Variants in PPP1R21 observed in about 807,000 individuals in gnomAD.
The protein encoded by PPP1R21 is protein phosphatase 1 regulatory subunit 21, also known as KLRAQ motif containing 1.
PPP1R21 carries 85 observed loss-of-function variants against 112.8 expected under a neutral mutation model. That is an observed-to-expected ratio of 0.75 (90% CI 0.63 to 0.90). The LOEUF is 0.90. Among genes scored for constraint, PPP1R21 ranks in the 40% least tolerant of loss-of-function variants. The pLI is 0.00. For synonymous variants in PPP1R21, 381 were observed against 322.3 expected (o/e 1.18, Z -1.95); for missense variants, 1,199 against 901.5 (o/e 1.33, Z -4.23).
intron 17 of PPP1R21, among the ~76,000 whole-genome samples, chr2:48,501,349 G>C (rs549252123): frequency 6.6e-6 from 1 of 152,104 alleles, no homozygotes; most frequent in Admixed American, 6.6e-5. Context: ...TCTTAGAGTT[G>C]GTGGTGGCCA....
At chr2:48,461,376 C>T in intron 7 of PPP1R21, 144 bp downstream of exon 7, 1 of 1,241,902 alleles carries the variant, frequency 8.1e-7, no homozygotes, top group Non-Finnish European at 1.0e-6. Flanking sequence ...ATTTGATCAG[C>T]CGTGGTAATC....
intron 17 of PPP1R21, among the ~76,000 whole-genome samples, chr2:48,500,038 C>G (rs1363703745): frequency 6.6e-6 from 1 of 152,042 alleles, no homozygotes; most frequent in Non-Finnish European, 1.5e-5. Context: ...TGACTTTACT[C>G]CTGAAGCTCA....
chr2:48,487,802 C>A (rs187476940), intron 14 of PPP1R21, among the ~76,000 whole-genome samples: 3 of 151,778 alleles, frequency 2.0e-5, no homozygotes, highest in Non-Finnish European at 4.4e-5. Flanking sequence ...ATGGATATTC[C>A]TGTTTCAGCA....
At chr2:48,480,785 C>T (rs1388217769) in intron 13 of PPP1R21, among the ~76,000 whole-genome samples, 1 of 152,094 alleles carries the variant, frequency 6.6e-6, no homozygotes, top group African/African-American at 2.4e-5. Context: ...TTTTAGTTAA[C>T]AATTAGTGAC....
intron 18 of PPP1R21, 31 bp from the exon 19 acceptor site, chr2:48,507,238 G>GT: frequency 7.5e-7 from 1 of 1,329,234 alleles, no homozygotes; most frequent in Non-Finnish European, 9.8e-7. Flanking sequence ...ACTGGTACTT[G>GT]TTTATTTATG....
chr2:48,511,534 A>G, intron 21 of PPP1R21, 66 bp downstream of exon 21: 2 of 1,571,998 alleles, frequency 1.3e-6, no homozygotes, highest in Non-Finnish European at 1.7e-6. Flanking sequence ...TTTTATTGTT[A>G]TGCATTTCAG....
chr2:48,502,610 C>G (rs1371924192), intron 17 of PPP1R21, among the ~76,000 whole-genome samples: 1 of 151,490 alleles, frequency 6.6e-6, no homozygotes, highest in Non-Finnish European at 1.5e-5. Flanking sequence ...GAAGCTCATC[C>G]TACAGGGAGA....
intron 14 of PPP1R21, among the ~76,000 whole-genome samples, chr2:48,486,969 C>T (rs1669330213): frequency 6.6e-6 from 1 of 152,222 alleles, no homozygotes; most frequent in Non-Finnish European, 1.5e-5. Context: ...CCAGGCTTGA[C>T]TCAAACTCCT....
At chr2:48,443,462 C>T (rs1377748253) in intron 1 of PPP1R21, among the ~76,000 whole-genome samples, 1 of 152,190 alleles carries the variant, frequency 6.6e-6, no homozygotes, top group Non-Finnish European at 1.5e-5. Context: ...CAAAGGCTAG[C>T]ACTTTTGGAG....
intron 13 of PPP1R21, among the ~76,000 whole-genome samples, chr2:48,485,133 T>G (rs1046442329): frequency 2.6e-5 from 4 of 152,030 alleles, no homozygotes; most frequent in Non-Finnish European, 4.4e-5. Context: ...ATTTTTAGAG[T>G]TCTGAAAATA....
chr2:48,497,000 T>A (rs915500765), intron 16 of PPP1R21, among the ~76,000 whole-genome samples: 1 of 152,220 alleles, frequency 6.6e-6, no homozygotes, highest in Non-Finnish European at 1.5e-5. Flanking sequence ...CCAGTAAACA[T>A]GTTTCCCTGA....
intron 12 of PPP1R21, among the ~76,000 whole-genome samples, chr2:48,476,344 G>C (rs1489358752): frequency 6.6e-6 from 1 of 152,030 alleles, no homozygotes; most frequent in African/African-American, 2.4e-5. Context: ...TTACTTACCC[G>C]TTTGTCATGT....
intron 16 of PPP1R21, among the ~76,000 whole-genome samples, chr2:48,496,570 C>T (rs1036867546): frequency 5.0e-4 from 76 of 151,522 alleles, no homozygotes; most frequent in African/African-American, 1.7e-3. Context: ...TGGGTTCAAG[C>T]GATTGTCCTG....
intron 17 of PPP1R21, among the ~76,000 whole-genome samples, chr2:48,504,469 G>A (rs953414225): frequency 6.6e-6 from 1 of 152,102 alleles, no homozygotes. Context: ...GGTGAAACCT[G>A]CCTCTACTAA....
intron 2 of PPP1R21, among the ~76,000 whole-genome samples, chr2:48,452,034 C>G (rs1476273760): frequency 1.3e-5 from 2 of 152,228 alleles, no homozygotes; most frequent in African/African-American, 2.4e-5. Flanking sequence ...TCCAGGCTCT[C>G]TGCACCCAAG....
intron 16 of PPP1R21, among the ~76,000 whole-genome samples, chr2:48,497,545 C>T (rs941408031): frequency 4.6e-5 from 7 of 151,996 alleles, no homozygotes; most frequent in African/African-American, 1.5e-4. Context: ...TTGTGTTCAG[C>T]ACAGTATATG....
In PPP1R21 at chr2:48,491,164, G is replaced by C. The variant is rs775408217; in HGVS notation, c.1593G>C (p.Leu531Phe). 4 of 1,610,464 alleles carry C rather than the reference G, an allele frequency of 2.5e-6. No homozygotes were observed. Among genetic ancestry groups the C allele is most frequent in the African/African-American group, 2.7e-5 (2 of 74,812 alleles). ...AAGCTGCTGCCTATATGAAGTCTTTGAGAAAGGTTTGTTAGCTGCTGTTAA... is the reference window on the plus strand; with the variant it reads ...AAGCTGCTGCCTATATGAAGTCTTTCAGAAAGGTTTGTTAGCTGCTGTTAA... ...KKKAAAYMKSLRKPLLESVPY... is the reference protein window; with the variant it reads ...KKKAAAYMKSFRKPLLESVPY... Residue 531 changes from leucine (L) to phenylalanine (F), a missense_variant, in exon 15 of 22, where the codon TTG becomes TTC. Physicochemically the swap from Leu to Phe is conservative, Grantham distance 22 (BLOSUM62 0). Coordinates refer to ENST00000294952, the MANE Select transcript of PPP1R21 (RefSeq NM_001135629.3).
chr2:48,505,612 C>A lies in PPP1R21; in HGVS notation c.1968+16C>A, dbSNP rs1478095776. 6.5e-7 allele frequency: 1 copy of A among 1,542,712 alleles called. No individual in the cohort carries two copies. Among genetic ancestry groups the A allele is most frequent in the Non-Finnish European group, 8.8e-7 (1 of 1,138,328 alleles). ...TGACAGTGAGGTAACATGTGCTTGT[C>A]ATCATGTTGTTTGTTAGTAAATATC... On this transcript the variant is annotated intron_variant, in intron 18 of 21. Coordinates refer to ENST00000294952, the MANE Select transcript of PPP1R21 (RefSeq NM_001135629.3).
At chr2:48,499,339 T>G (rs969479399) in intron 17 of PPP1R21, among the ~76,000 whole-genome samples, 2 of 152,214 alleles carry the variant, frequency 1.3e-5, no homozygotes, top group African/African-American at 4.8e-5. Flanking sequence ...AAGTTAAATT[T>G]AAGATGATTC....
Sources: allele counts gnomAD v4.1 joint callset (sites outside exome capture counted in the v4.1 genomes callset), GRCh38; gene constraint gnomAD v4.1.1; transcripts MANE v1.5; gene names NCBI Gene and HGNC (gene_info 2026-07-23, HGNC 2026-07-21).